Variants in ATL3 observed in about 807,000 individuals in gnomAD.
ATL3 encodes the protein atlastin-3.
Under a neutral mutation model 69.5 loss-of-function variants are expected in ATL3, and 49 were observed. The observed-to-expected ratio is 0.71, with a 90% CI of 0.56 to 0.89. The LOEUF (loss-of-function observed/expected upper bound fraction) is 0.89. ATL3 is among the 40% of genes least tolerant of loss of function. ATL3 has a pLI of 0.00. For synonymous variants in ATL3, 214 were observed against 224.1 expected (o/e 0.95, Z 0.40); for missense variants, 606 against 645.7 (o/e 0.94, Z 0.67).
intron 1 of ATL3, among the ~76,000 whole-genome samples, chr11:63,669,667 G>A (rs1172219454): frequency 2.0e-5 from 3 of 152,124 alleles, no homozygotes; most frequent in Non-Finnish European, 4.4e-5. Flanking sequence ...AATGGGCCGG[G>A]CACGATGGCT....
intron 3 of ATL3, 67 bp downstream of exon 3, chr11:63,658,694 C>T (rs1025106561): frequency 1.3e-6 from 2 of 1,498,792 alleles, no homozygotes; most frequent in Admixed American, 2.3e-5. Context: ...TGGGTTAACA[C>T]AGTACATGCT....
At chr11:63,643,124 C>T (rs77937712) in intron 8 of ATL3, among the ~76,000 whole-genome samples, 2,178 of 152,304 alleles carry the variant, frequency 0.014, 51 homozygotes, top group African/African-American at 0.049. Context: ...TAATGAGTCT[C>T]TTTAGAAAGA....
chr11:63,634,201 A>AAAG (rs1418718602), intron 10 of ATL3, among the ~76,000 whole-genome samples: 2 of 148,352 alleles, frequency 1.3e-5, no homozygotes, highest in African/African-American at 2.5e-5. Flanking sequence ...AAAAAAAAAA[A>AAAG]AAGAAGAAGA....
rs945598876 is a variant in ATL3 at position 63,625,445 on chromosome 11, T to C, written c.*3874A>G. Reference sequence around the variant, plus strand: ...AAAATTAAAAACTGTTTTATTAAAGTTTTAATTTTTAAAAAATTAAAAAAT... The same window carrying C: ...AAAATTAAAAACTGTTTTATTAAAGCTTTAATTTTTAAAAAATTAAAAAAT... On this transcript the variant is annotated 3_prime_UTR_variant, in exon 13 of 13. Coordinates refer to ENST00000398868, the MANE Select transcript of ATL3 (RefSeq NM_015459.5). 1 of 152,204 alleles carries C rather than the reference T, an allele frequency of 6.6e-6. No individual in the cohort carries two copies. The highest frequency in any genetic ancestry group is 2.4e-5 in the African/African-American group (1 of 41,474). The allele number at this position is 152,204 out of a possible 1,614,324, so 9.4% of individuals were successfully genotyped here.
intron 12 of ATL3, among the ~76,000 whole-genome samples, chr11:63,630,179 G>A (rs1399580888): frequency 6.6e-5 from 10 of 151,488 alleles, no homozygotes; most frequent in Middle Eastern, 3.5e-3. Flanking sequence ...TTGGGAGGCC[G>A]AGGTGGGTGG....
At chr11:63,671,563 C>A (rs891275200), upstream of ATL3, 6 of 1,419,712 alleles carry the variant, frequency 4.2e-6, no homozygotes, top group Non-Finnish European at 5.5e-6. Flanking sequence ...CTAGGCGAGG[C>A]GGGGCGGGAA....
intron 1 of ATL3, among the ~76,000 whole-genome samples, chr11:63,661,221 C>CAAA (rs1229211370): frequency 1.2e-5 from 1 of 84,032 alleles, no homozygotes; most frequent in Non-Finnish European, 2.4e-5. Flanking sequence ...GACTTGGTCT[C>CAAA]AAAAAAAAAA....
chr11:63,629,432 T>C, intron 12 of ATL3, 27 bp from the exon 13 acceptor site: 1 of 1,582,696 alleles, frequency 6.3e-7, no homozygotes, highest in Non-Finnish European at 8.7e-7. Flanking sequence ...ATTCAACATA[T>C]AAGTTAATAA....
At chr11:63,637,061 G>A (rs1939543771) in intron 8 of ATL3, among the ~76,000 whole-genome samples, 1 of 152,076 alleles carries the variant, frequency 6.6e-6, no homozygotes, top group South Asian at 2.1e-4. Flanking sequence ...GGTGGATCAC[G>A]AGGTCAGGAG....
chr11:63,658,613 A>C (rs536024619), intron 3 of ATL3, 148 bp downstream of exon 3: 1 of 881,652 alleles, frequency 1.1e-6, no homozygotes, highest in Admixed American at 3.7e-5. Context: ...CTAAAATTTC[A>C]GGACAAAACA....
At chr11:63,644,396 T>C in intron 6 of ATL3, 135 bp from the exon 7 acceptor site, 1 of 616,374 alleles carries the variant, frequency 1.6e-6, no homozygotes, top group Non-Finnish European at 2.8e-6. Context: ...TTTTTTTTTT[T>C]TTTTTTTTAA....
At position 63,658,856 on chromosome 11, in the gene ATL3, T is replaced by C; in HGVS notation, c.310A>G (p.Thr104Ala). 6.2e-7 allele frequency: 1 copy of C among 1,612,024 alleles called. No homozygotes were observed. The change falls in exon 3 of 13, where the codon ACA (threonine) becomes GCA (alanine). Residue 104 changes from threonine to alanine, a missense_variant. Thr to Ala is a moderately conservative substitution (Grantham distance 58). Transcript: ENST00000398868. ...GATCCCCCTCTCCAGGAAAATCCTG[T>C]TAACGGTTCTTCTGGGTCACCCAAC... ...NWLGDPEEPL[T>A]GFSWRGGSDP...
intron 6 of ATL3, 108 bp downstream of exon 6, chr11:63,646,399 G>C: frequency 1.6e-6 from 1 of 611,364 alleles, no homozygotes; most frequent in South Asian, 2.0e-5. Context: ...TAGCTCACAA[G>C]TCATATAAAA....
At chr11:63,640,008 A>C (rs1303618917) in intron 8 of ATL3, among the ~76,000 whole-genome samples, 1 of 151,692 alleles carries the variant, frequency 6.6e-6, no homozygotes, top group African/African-American at 2.4e-5. Flanking sequence ...AGCTCACTGC[A>C]ACCTCCACCT....
At chr11:63,671,446 GA>G (rs745387293), upstream of ATL3, 3 of 1,489,550 alleles carry the variant, frequency 2.0e-6, no homozygotes. Flanking sequence ...CTGGGCTCTA[GA>G]AAAAACTAGC....
At chr11:63,635,055 G>A (rs563957323) in intron 10 of ATL3, among the ~76,000 whole-genome samples, 3 of 152,024 alleles carry the variant, frequency 2.0e-5, no homozygotes, top group Non-Finnish European at 4.4e-5. Context: ...CCAGCTACTC[G>A]GGAGGCTGAG....
chr11:63,660,608 T>C lies in ATL3; in HGVS notation c.47-1356A>G, dbSNP rs144199060. Among the ~76,000 whole-genome samples, 67 of 152,216 alleles carry C rather than the reference T, an allele frequency of 4.4e-4. 3 individuals are homozygous for C. In the East Asian group the frequency reaches 0.012, roughly 27 times the overall value. Reference sequence around the variant, plus strand: ...ATGCCTATGTCCACCAAAAAACATATATACAAGAATGTTGAGCTGGGCATG... The same window carrying C: ...ATGCCTATGTCCACCAAAAAACATACATACAAGAATGTTGAGCTGGGCATG... On this transcript the variant is annotated intron_variant, in intron 1 of 12. Transcript: ENST00000398868.
Position 63,671,328 on chromosome 11 carries a change from G to T in ATL3, c.8C>A (p.Ser3Tyr). 1 of 1,586,288 alleles carries T rather than the reference G, an allele frequency of 6.3e-7. No individual in the cohort carries two copies. Among genetic ancestry groups the T allele is most frequent in the East Asian group, 2.4e-5 (1 of 40,988 alleles). The change falls in exon 1 of 13, where the codon TCC becomes TAC. Residue 3 changes from serine (S) to tyrosine (Y), a missense_variant. Ser to Tyr is a moderately radical substitution (Grantham distance 144). Transcript: ENST00000398868. ML[S>Y]PQRVAAAASR... ...GGCAGCTGCTGCCACTCGCTGAGGG[G>T]ACAACATGGAGCCTCCGCCTTCAAA...
At chr11:63,641,698 G>A (rs1165407161) in intron 8 of ATL3, among the ~76,000 whole-genome samples, 2 of 152,116 alleles carry the variant, frequency 1.3e-5, no homozygotes, top group Admixed American at 6.5e-5. Flanking sequence ...ATAAATTTCC[G>A]TTGTCTTAAG....
Sources: gnomAD v4.1 joint callset for allele counts (sites outside exome capture counted in the v4.1 genomes callset) on GRCh38, gnomAD v4.1.1 for gene constraint, MANE v1.5 for transcripts, NCBI Gene and HGNC (gene_info 2026-07-23, HGNC 2026-07-21) for gene names.